PTPN14: variants seen among roughly 807,000 people sequenced by gnomAD.
PTPN14 encodes protein tyrosine phosphatase non-receptor type 14, also known as tyrosine-protein phosphatase non-receptor type 14.
A neutral mutation model predicts 126.8 loss-of-function variants in PTPN14; 53 were observed. That is an observed-to-expected ratio of 0.42 (90% CI 0.34 to 0.53). PTPN14 has a LOEUF of 0.53. Ranked by LOEUF, PTPN14 falls within the 20% of genes least tolerant of loss-of-function variation. PTPN14 has a pLI of 0.08. For missense variants in PTPN14, 1,257 were observed against 1,552.9 expected, an observed-to-expected ratio of 0.81 and a Z score of 3.20; for synonymous variants, 630 against 599.3, an observed-to-expected ratio of 1.05 and a Z score of -0.75.
intron 1 of PTPN14, among the ~76,000 whole-genome samples, chr1:214,520,903 T>C (rs1655238715): frequency 6.6e-6 from 1 of 152,112 alleles, no homozygotes; most frequent in South Asian, 2.1e-4. Context: ...CTGGACTAAA[T>C]TGTTATTTAC....
chr1:214,422,556 G>A (rs1385271685), intron 3 of PTPN14, among the ~76,000 whole-genome samples: 1 of 152,146 alleles, frequency 6.6e-6, no homozygotes. Flanking sequence ...ACTCACTGTG[G>A]GAAAAGGGAA....
At position 214,364,169 on chromosome 1, in the gene PTPN14, T is replaced by C. The variant is rs1014854363; in HGVS notation, c.3435+343A>G. Among the ~76,000 whole-genome samples the C allele has an allele frequency of 2.0e-5, 3 of 152,150 alleles. No individual in the cohort carries two copies. The highest frequency in any genetic ancestry group is 4.4e-5 in the Non-Finnish European group (3 of 68,014). ...TGCATCGAAACTATATGGGGTCAAA[T>C]AACTCACCATGGAAAATTACCCACA... On this transcript the variant is annotated intron_variant, in intron 18 of 18. Transcript: ENST00000366956. This position sits in a 1 kb window ranked among gnomAD's most constrained non-coding sequence, Gnocchi z 4.1.
intron 1 of PTPN14, among the ~76,000 whole-genome samples, chr1:214,550,348 C>T (rs1336925142): frequency 1.3e-5 from 2 of 152,196 alleles, no homozygotes; most frequent in African/African-American, 2.4e-5. Context: ...CTGCGACAGC[C>T]AGTCCCTAGA....
Position 214,384,289 on chromosome 1 carries a change from A to G in PTPN14, c.1566T>C (p.Asn522=), listed in dbSNP as rs1658554369. 3 of 1,613,864 alleles carry G rather than the reference A, an allele frequency of 1.9e-6. No homozygotes were observed. Among genetic ancestry groups the G allele is most frequent in the African/African-American group, 1.3e-5 (1 of 74,840 alleles). The change falls in exon 13 of 19, where the codon AAT becomes AAC. Residue 522 remains asparagine, a synonymous_variant. Transcript: ENST00000366956. This position sits in a 1 kb window ranked among gnomAD's most constrained non-coding sequence, Gnocchi z 5.3. ...SPSDQRNPKN[N]VVPSKPGASA... The stretch of plus-strand genomic sequence containing the variant: ...TTGCCCCCGGCTTGCTTGGTACCAC[A>G]TTATTCTTTGGGTTCCTCTGGTCAG...
intron 1 of PTPN14, among the ~76,000 whole-genome samples, chr1:214,509,350 C>T (rs750032809): frequency 3.3e-5 from 5 of 152,180 alleles, no homozygotes; most frequent in Non-Finnish European, 7.3e-5. Context: ...AGCTTCTTTC[C>T]TTAAACTTCA....
chr1:214,413,516 T>C (rs1369545533), intron 4 of PTPN14, among the ~76,000 whole-genome samples: 1 of 152,188 alleles, frequency 6.6e-6, no homozygotes, highest in Admixed American at 6.5e-5. Context: ...GGGAAGTCAG[T>C]TCACACCTTC....
chr1:214,479,806 A>C (rs1660947587), intron 1 of PTPN14, among the ~76,000 whole-genome samples: 1 of 152,194 alleles, frequency 6.6e-6, no homozygotes, highest in Non-Finnish European at 1.5e-5. Flanking sequence ...CATTATAAGA[A>C]TATTGGAAAT....
At chr1:214,487,424 G>A (rs1025215638) in intron 1 of PTPN14, among the ~76,000 whole-genome samples, 1 of 152,076 alleles carries the variant, frequency 6.6e-6, no homozygotes, top group African/African-American at 2.4e-5. Flanking sequence ...TCAGGAGTTC[G>A]AGACCAGCCT....
Position 214,364,189 on chromosome 1 carries a change from C to T in PTPN14, c.3435+323G>A, listed in dbSNP as rs539467715. 6.6e-6 allele frequency among the ~76,000 whole-genome samples: 1 copy of T among 152,248 alleles called. No individual in the cohort carries two copies. The highest frequency in any genetic ancestry group is 1.5e-5 in the Non-Finnish European group (1 of 68,010). On this transcript the variant is annotated intron_variant, in intron 18 of 18. Transcript: ENST00000366956. The surrounding 1 kb of genome is among the most constrained non-coding windows in gnomAD (Gnocchi z 4.1). ...TCAAATAACTCACCATGGAAAATTA[C>T]CCACAATAAAACCAGGCTATCTACA...
chr1:214,482,579 GAA>G lies in PTPN14; in HGVS notation c.-154-17624_-154-17623del, dbSNP rs56404750. On this transcript the variant is annotated intron_variant, in intron 1 of 18. Coordinates refer to ENST00000366956, the MANE Select transcript of PTPN14 (RefSeq NM_005401.5). ...GGGCACCCGAATGCAGTTTAGAAAAGAAAAAAAAAAAATCACATAGAAACTAC... is the reference window on the plus strand; with the variant it reads ...GGGCACCCGAATGCAGTTTAGAAAAGAAAAAAAAAATCACATAGAAACTAC... Among the ~76,000 whole-genome samples the G allele has an allele frequency of 4.7e-3, 703 of 149,714 alleles. 5 individuals carry two copies. The highest frequency in any genetic ancestry group is 7.8e-3 in the Non-Finnish European group (525 of 67,456).
intron 1 of PTPN14, among the ~76,000 whole-genome samples, chr1:214,472,306 C>T (rs61819627): frequency 0.09 from 13,733 of 152,014 alleles, 632 homozygotes; most frequent in South Asian, 0.12. Context: ...TGACCCCGCT[C>T]GCTCTCTTGC....
At chr1:214,479,803 A>C (rs1055271657) in intron 1 of PTPN14, among the ~76,000 whole-genome samples, 1 of 152,208 alleles carries the variant, frequency 6.6e-6, no homozygotes, top group Non-Finnish European at 1.5e-5. Flanking sequence ...ATTCATTATA[A>C]GAATATTGGA....
At chr1:214,392,237 C>A (rs1469339940) in intron 10 of PTPN14, among the ~76,000 whole-genome samples, 5 of 151,794 alleles carry the variant, frequency 3.3e-5, no homozygotes, top group African/African-American at 7.3e-5. Context: ...TGAGAGCGTG[C>A]CCCAGGTTTT....
chr1:214,428,570 T>A (rs956830882), intron 3 of PTPN14, among the ~76,000 whole-genome samples: 2 of 152,234 alleles, frequency 1.3e-5, no homozygotes, highest in African/African-American at 4.8e-5. Context: ...ATCCTCTGCC[T>A]ATTTTTGTAA....
At chr1:214,473,501 C>T (rs909034053) in intron 1 of PTPN14, among the ~76,000 whole-genome samples, 4 of 152,196 alleles carry the variant, frequency 2.6e-5, no homozygotes, top group Non-Finnish European at 5.9e-5. Context: ...AAGCTAACTG[C>T]TATTCAATTG....
At chr1:214,444,937 T>C (rs554661228) in intron 3 of PTPN14, among the ~76,000 whole-genome samples, 17 of 152,336 alleles carry the variant, frequency 1.1e-4, no homozygotes, top group African/African-American at 4.1e-4. Flanking sequence ...ACTTACCCTC[T>C]TTCTGGTACC....
chr1:214,473,355 A>C (rs1451679561), intron 1 of PTPN14, among the ~76,000 whole-genome samples: 2 of 152,258 alleles, frequency 1.3e-5, no homozygotes, highest in South Asian at 2.1e-4. Context: ...TTACCTGCAC[A>C]GGCAAATGAA....
chr1:214,372,942 T>G, intron 15 of PTPN14, 103 bp from the exon 16 acceptor site: 1 of 1,487,060 alleles, frequency 6.7e-7, no homozygotes, highest in South Asian at 1.3e-5. Context: ...TGGATATATT[T>G]TTGGGGCCGA....
intron 16 of PTPN14, among the ~76,000 whole-genome samples, chr1:214,370,871 T>C (rs1370218904): frequency 6.6e-6 from 1 of 152,150 alleles, no homozygotes; most frequent in Non-Finnish European, 1.5e-5. Flanking sequence ...CTGATGGCTG[T>C]TTACAGGAAC....
Sources: gnomAD v4.1 joint callset for allele counts (sites outside exome capture counted in the v4.1 genomes callset) on GRCh38, gnomAD v4.1.1 for gene constraint, Gnocchi (gnomAD v3.1) non-coding constraint, MANE v1.5 for transcripts, NCBI Gene and HGNC (gene_info 2026-07-23, HGNC 2026-07-21) for gene names.